TMEM163: variants seen among roughly 807,000 people sequenced by gnomAD.
The protein encoded by TMEM163 is transmembrane protein 163.
TMEM163 carries 17 observed loss-of-function variants against 29.3 expected under a neutral mutation model. The ratio of observed to expected loss-of-function variants is 0.58; its 90% CI spans 0.40 to 0.87. TMEM163 has a LOEUF of 0.87. Among genes scored for constraint, TMEM163 ranks in the 40% least tolerant of loss-of-function variants. TMEM163 has a pLI of 0.00. For synonymous variants in TMEM163, 157 were observed against 160.6 expected (o/e 0.98, Z 0.17); for missense variants, 303 against 381.5 (o/e 0.79, Z 1.71).
intron 2 of TMEM163, among the ~76,000 whole-genome samples, chr2:134,665,224 AG>A (rs1161629459): frequency 6.6e-6 from 1 of 152,196 alleles, no homozygotes; most frequent in African/African-American, 2.4e-5. Flanking sequence ...TAATTTATAA[AG>A]AAAAAGAGGT....
At chr2:134,497,649 A>G (rs1179510734) in intron 5 of TMEM163, among the ~76,000 whole-genome samples, 2 of 152,222 alleles carry the variant, frequency 1.3e-5, no homozygotes, top group Non-Finnish European at 2.9e-5. Context: ...TCATTATTAC[A>G]TCATTTACTT....
At chr2:134,597,377 G>A (rs1682110967) in intron 2 of TMEM163, among the ~76,000 whole-genome samples, 2 of 152,120 alleles carry the variant, frequency 1.3e-5, no homozygotes, top group African/African-American at 2.4e-5. Context: ...ATAATCATGT[G>A]GTTTTTGTCT....
Position 134,545,733 on chromosome 2 carries a change from C to G in TMEM163, c.458+4837G>C, listed in dbSNP as rs188520871. Among the ~76,000 whole-genome samples, 30 of 152,328 alleles carry G rather than the reference C, an allele frequency of 2.0e-4. 1 individual carries two copies. The highest frequency in any genetic ancestry group is 1.9e-3 in the Admixed American group (29 of 15,302). ...ACCTTTTGTCCCCACCCTGCCTCAG[C>G]CACTCACTCTACCCTAAATCTGTGC... On this transcript the variant is annotated intron_variant, in intron 4 of 7. Coordinates refer to ENST00000281924, the MANE Select transcript of TMEM163 (RefSeq NM_030923.5).
At chr2:134,697,981 T>C (rs1292413870) in intron 2 of TMEM163, among the ~76,000 whole-genome samples, 2 of 152,176 alleles carry the variant, frequency 1.3e-5, no homozygotes, top group African/African-American at 4.8e-5. Context: ...GTGCATGAGA[T>C]TGGGATTATC....
chr2:134,556,295 C>T (rs866512004), intron 2 of TMEM163, among the ~76,000 whole-genome samples: 1 of 152,216 alleles, frequency 6.6e-6, no homozygotes, highest in Non-Finnish European at 1.5e-5. Flanking sequence ...CTATCACTTC[C>T]AGCCACATGA....
At chr2:134,643,813 G>T (rs1683271586) in intron 2 of TMEM163, among the ~76,000 whole-genome samples, 1 of 151,904 alleles carries the variant, frequency 6.6e-6, no homozygotes. Context: ...AGGAAAGGAA[G>T]AAATAAAACT....
chr2:134,593,135 T>C (rs1219627226), intron 2 of TMEM163, among the ~76,000 whole-genome samples: 1 of 152,142 alleles, frequency 6.6e-6, no homozygotes, highest in African/African-American at 2.4e-5. Flanking sequence ...GAGAAATCCA[T>C]GTGAACTGAT....
chr2:134,463,841 T>C (rs1360042796), intron 6 of TMEM163, among the ~76,000 whole-genome samples: 1 of 152,142 alleles, frequency 6.6e-6, no homozygotes, highest in African/African-American at 2.4e-5. Context: ...TACTGCAACT[T>C]CACGCTCCAA....
At chr2:134,551,613 G>C (rs1490003531) in intron 3 of TMEM163, among the ~76,000 whole-genome samples, 1 of 152,120 alleles carries the variant, frequency 6.6e-6, no homozygotes, top group Non-Finnish European at 1.5e-5. Flanking sequence ...TCTCCAACTA[G>C]CTTCCATCAG....
rs2106472443 is a variant in TMEM163 at position 134,461,476 on chromosome 2, T to G, written c.668-3303A>C. Reference sequence around the variant, plus strand: ...CCCCTCGTCCAGAGCGCTCCCCCAGTGCTCTCTCATGCTCTTCCTCTGATT... The same window carrying G: ...CCCCTCGTCCAGAGCGCTCCCCCAGGGCTCTCTCATGCTCTTCCTCTGATT... On this transcript the variant is annotated intron_variant, in intron 6 of 7. Transcript: ENST00000281924. Among the ~76,000 whole-genome samples the G allele has an allele frequency of 1.3e-5, 2 of 152,286 alleles. 1 individual carries two copies. The highest frequency in any genetic ancestry group is 4.1e-4 in the South Asian group (2 of 4,824).
chr2:134,456,576 TG>T lies in TMEM163; in HGVS notation c.*139del, dbSNP rs1283185458. 5.0e-6 allele frequency: 5 copies of T among 1,009,998 alleles called. No homozygotes were observed. Among genetic ancestry groups the T allele is most frequent in the Non-Finnish European group, 7.4e-6 (5 of 672,754 alleles). The allele number at this position is 1,009,998 out of a possible 1,614,324, so 62.6% of individuals were successfully genotyped here. On this transcript the variant is annotated 3_prime_UTR_variant, in exon 8 of 8. Transcript: ENST00000281924. ...TGGGGGCAAGGTAGATCCACCTGGCTGGGCAGACCTTGTCTTGTAATGACAA... is the reference window on the plus strand; with the variant it reads ...TGGGGGCAAGGTAGATCCACCTGGCTGGCAGACCTTGTCTTGTAATGACAA...
intron 4 of TMEM163, among the ~76,000 whole-genome samples, chr2:134,509,806 G>A (rs59611267): frequency 0.015 from 2,320 of 152,298 alleles, 59 homozygotes; most frequent in African/African-American, 0.054. Flanking sequence ...CAACCTGTGA[G>A]GACAGAACAG....
intron 4 of TMEM163, among the ~76,000 whole-genome samples, chr2:134,514,176 G>T (rs986703118): frequency 1.3e-5 from 2 of 152,188 alleles, no homozygotes; most frequent in African/African-American, 4.8e-5. Context: ...GGGGGGCTAT[G>T]GTTGTGGTTA....
chr2:134,660,146 G>C (rs938656219), intron 2 of TMEM163, among the ~76,000 whole-genome samples: 2 of 152,110 alleles, frequency 1.3e-5, no homozygotes, highest in East Asian at 1.9e-4. Context: ...GGAGGTAGGT[G>C]GGGGGCAGAC....
intron 5 of TMEM163, among the ~76,000 whole-genome samples, chr2:134,496,019 C>T (rs1302635464): frequency 1.3e-5 from 2 of 151,964 alleles, no homozygotes; most frequent in Admixed American, 1.3e-4. Flanking sequence ...TCGGTTAGAT[C>T]TATAACGAAA....
At chr2:134,551,975 G>A in intron 3 of TMEM163, 73 bp downstream of exon 3, 3 of 1,235,558 alleles carry the variant, frequency 2.4e-6, no homozygotes, top group Non-Finnish European at 3.5e-6. Flanking sequence ...CTCATTTGAG[G>A]GCTCAGGGTG....
At chr2:134,497,628 C>A (rs1431466005) in intron 5 of TMEM163, among the ~76,000 whole-genome samples, 1 of 152,196 alleles carries the variant, frequency 6.6e-6, no homozygotes, top group Non-Finnish European at 1.5e-5. Context: ...GTTTATAAAG[C>A]ATTTCTACAT....
chr2:134,539,035 T>C (rs938122577), intron 4 of TMEM163, among the ~76,000 whole-genome samples: 1 of 152,212 alleles, frequency 6.6e-6, no homozygotes, highest in Non-Finnish European at 1.5e-5. Context: ...ATCTCTGTTT[T>C]GCCTGGAAAG....
intron 4 of TMEM163, among the ~76,000 whole-genome samples, chr2:134,546,362 G>A (rs1680784317): frequency 6.6e-6 from 1 of 152,148 alleles, no homozygotes. Context: ...CAGCCTTTAG[G>A]CAGGGCATGG....
Sources: allele counts gnomAD v4.1 joint callset (sites outside exome capture counted in the v4.1 genomes callset), GRCh38; gene constraint gnomAD v4.1.1; transcripts MANE v1.5; gene names NCBI Gene and HGNC (gene_info 2026-07-23, HGNC 2026-07-21).